Variants in MACROD2 observed in about 807,000 individuals in gnomAD.
MACROD2 encodes the protein ADP-ribose glycohydrolase MACROD2.
A neutral mutation model predicts 70.4 loss-of-function variants in MACROD2; 36 were observed. The observed-to-expected ratio is 0.51, with a 90% CI of 0.39 to 0.68. MACROD2 has a LOEUF of 0.68. Among genes scored for constraint, MACROD2 ranks in the 30% least tolerant of loss-of-function variants. The pLI is 0.00. For synonymous variants in MACROD2, 172 were observed against 178.8 expected (o/e 0.96, Z 0.30); for missense variants, 496 against 538.4 (o/e 0.92, Z 0.78).
At chr20:14,692,718 A>G (rs1457434712) in intron 5 of MACROD2, among the ~76,000 whole-genome samples, 1 of 152,196 alleles carries the variant, frequency 6.6e-6, no homozygotes, top group Non-Finnish European at 1.5e-5. Context: ...CTGTTATCCC[A>G]TCACCAAACA....
intron 5 of MACROD2, among the ~76,000 whole-genome samples, chr20:15,121,513 C>CAA (rs5840653): frequency 0.071 from 8,636 of 121,826 alleles, 605 homozygotes; most frequent in African/African-American, 0.17. Flanking sequence ...AACTCTGCCT[C>CAA]AAAAAAAAAA....
At position 15,455,806 on chromosome 20, in the gene MACROD2, A is replaced by G. The variant is rs541541034; in HGVS notation, c.571+24371A>G. Among the ~76,000 whole-genome samples, 13 of 152,224 alleles carry G rather than the reference A, an allele frequency of 8.5e-5. 1 individual carries two copies. The highest frequency in any genetic ancestry group is 3.1e-4 in the African/African-American group (13 of 41,552). ...GCTCGGTTTTCCTACATGGATTACA[A>G]CCTTCTAGATGCTGACTGACCTCTC... On this transcript the variant is annotated intron_variant, in intron 7 of 17. Transcript: ENST00000684519.
At chr20:15,106,040 A>T (rs1165395575) in intron 5 of MACROD2, among the ~76,000 whole-genome samples, 2 of 152,212 alleles carry the variant, frequency 1.3e-5, no homozygotes, top group Admixed American at 6.5e-5. Flanking sequence ...TAATCTTTTC[A>T]TATTGCATTA....
intron 5 of MACROD2, among the ~76,000 whole-genome samples, chr20:14,876,157 A>G (rs2073548287): frequency 6.6e-6 from 1 of 152,154 alleles, no homozygotes; most frequent in Non-Finnish European, 1.5e-5. Flanking sequence ...CATTTTAGTA[A>G]TAGTCATTCT....
chr20:14,979,092 C>T lies in MACROD2; in HGVS notation c.419-250848C>T, dbSNP rs965269215. On this transcript the variant is annotated intron_variant, in intron 5 of 17. Coordinates refer to ENST00000684519, the MANE Select transcript of MACROD2 (RefSeq NM_001351661.2). Reference sequence around the variant, plus strand: ...TCAGCCTCCTGAGTAGCTAGGACTACATGTACACACCACCATACCCAGCTA... The same window carrying T: ...TCAGCCTCCTGAGTAGCTAGGACTATATGTACACACCACCATACCCAGCTA... Among the ~76,000 whole-genome samples, 7 of 146,104 alleles carry T rather than the reference C, an allele frequency of 4.8e-5. No individual in the cohort carries two copies. The Admixed American group carries it at 4.9e-4, about 10-fold the overall frequency.
intron 4 of MACROD2, among the ~76,000 whole-genome samples, chr20:14,661,887 C>G (rs1986245974): frequency 6.6e-6 from 1 of 151,986 alleles, no homozygotes; most frequent in Non-Finnish European, 1.5e-5. Context: ...TACTGGTCAT[C>G]AGTGGTAGGA....
chr20:15,447,521 C>G (rs962458742), intron 7 of MACROD2, among the ~76,000 whole-genome samples: 1 of 152,164 alleles, frequency 6.6e-6, no homozygotes, highest in Admixed American at 6.5e-5. Flanking sequence ...ATTTTCCTAC[C>G]AGGCTCTCCA....
At chr20:15,852,147 C>T (rs1478050424) in intron 8 of MACROD2, among the ~76,000 whole-genome samples, 1 of 152,118 alleles carries the variant, frequency 6.6e-6, no homozygotes, top group Non-Finnish European at 1.5e-5. Flanking sequence ...ACAGATGTGT[C>T]GTTTGTGAAA....
chr20:14,504,039 T>C (rs566161947), intron 4 of MACROD2, among the ~76,000 whole-genome samples: 1 of 152,332 alleles, frequency 6.6e-6, no homozygotes, highest in African/African-American at 2.4e-5. Flanking sequence ...TGTGTCTCCA[T>C]CAAAGTCAGT....
At chr20:15,283,914 A>G (rs2077468925) in intron 6 of MACROD2, among the ~76,000 whole-genome samples, 2 of 152,076 alleles carry the variant, frequency 1.3e-5, no homozygotes, top group Admixed American at 1.3e-4. Context: ...CCTTTCCTAA[A>G]TGGCTTTATC....
At chr20:14,052,624 C>T (rs1461970340) in intron 2 of MACROD2, among the ~76,000 whole-genome samples, 1 of 152,058 alleles carries the variant, frequency 6.6e-6, no homozygotes, top group Non-Finnish European at 1.5e-5. Flanking sequence ...ATACCAGAAA[C>T]TTAAGTGCCA....
At chr20:15,534,380 TTAAAG>T (rs1237889068) in intron 8 of MACROD2, among the ~76,000 whole-genome samples, 3 of 152,200 alleles carry the variant, frequency 2.0e-5, no homozygotes, top group African/African-American at 7.2e-5. Context: ...GCCTATTACA[TTAAAG>T]TAATGAATTA....
At chr20:15,437,330 C>A (rs940617540) in intron 7 of MACROD2, among the ~76,000 whole-genome samples, 3 of 152,076 alleles carry the variant, frequency 2.0e-5, no homozygotes, top group African/African-American at 7.2e-5. Context: ...AATATAAGAA[C>A]TTGCCATTGC....
At chr20:14,577,122 C>G (rs934437196) in intron 4 of MACROD2, among the ~76,000 whole-genome samples, 2 of 152,032 alleles carry the variant, frequency 1.3e-5, no homozygotes, top group South Asian at 2.1e-4. Context: ...ATCACTTCAT[C>G]CAAAAGCAGA....
At chr20:14,626,774 C>T (rs1984193184) in intron 4 of MACROD2, 1 of 152,118 alleles carries the variant, frequency 6.6e-6, no homozygotes, top group Non-Finnish European at 1.5e-5. Flanking sequence ...TTTTTGGCAC[C>T]CAGCTGATCC....
intron 3 of MACROD2, among the ~76,000 whole-genome samples, chr20:14,490,631 T>C (rs1021731931): frequency 7.9e-5 from 12 of 152,192 alleles, no homozygotes; most frequent in African/African-American, 2.9e-4. Flanking sequence ...GGCATCATGT[T>C]CATGAACTTC....
At chr20:15,853,126 G>A (rs546761210) in intron 8 of MACROD2, among the ~76,000 whole-genome samples, 2 of 152,226 alleles carry the variant, frequency 1.3e-5, no homozygotes, top group East Asian at 1.9e-4. Flanking sequence ...ACAAGGTCAG[G>A]GTAGAAATAA....
At chr20:15,196,828 T>G in intron 5 of MACROD2, 1 of 983,900 alleles carries the variant, frequency 1.0e-6, no homozygotes, top group Non-Finnish European at 1.2e-6. Context: ...TGCCTTGAAG[T>G]GCCTGAGTCT....
intron 5 of MACROD2, among the ~76,000 whole-genome samples, chr20:14,822,232 C>T (rs941962757): frequency 6.6e-6 from 1 of 151,988 alleles, no homozygotes; most frequent in Non-Finnish European, 1.5e-5. Context: ...AAGAATTATA[C>T]CTGCATTTAA....
Sources: gnomAD v4.1 joint callset for allele counts (sites outside exome capture counted in the v4.1 genomes callset) on GRCh38, gnomAD v4.1.1 for gene constraint, MANE v1.5 for transcripts, NCBI Gene and HGNC (gene_info 2026-07-23, HGNC 2026-07-21) for gene names.